Variants in KATNB1 observed in about 807,000 individuals in gnomAD.
The protein encoded by KATNB1 is katanin regulatory subunit B1.
Under a neutral mutation model 82.3 loss-of-function variants are expected in KATNB1, and 38 were observed. The ratio of observed to expected loss-of-function variants is 0.46; its 90% CI spans 0.36 to 0.61. The LOEUF (loss-of-function observed/expected upper bound fraction) is 0.61, where lower values mean the gene tolerates loss of function less well. Among genes scored for constraint, KATNB1 ranks in the 20% least tolerant of loss-of-function variants. The pLI is 0.00. For synonymous variants in KATNB1, 361 were observed against 368.7 expected (o/e 0.98, Z 0.24); for missense variants, 749 against 915.7 (o/e 0.82, Z 2.35).
At chr16:57,742,681 T>C (rs1374399814) in intron 3 of KATNB1, among the ~76,000 whole-genome samples, 2 of 152,254 alleles carry the variant, frequency 1.3e-5, no homozygotes, top group Non-Finnish European at 2.9e-5. Context: ...TGTTCCATTG[T>C]AGGGATGAGC....
At position 57,751,387 on chromosome 16, in the gene KATNB1, A is replaced by C; in HGVS notation, c.432+85A>C. 7.5e-7 allele frequency: 1 copy of C among 1,341,298 alleles called. No individual in the cohort carries two copies. The highest frequency in any genetic ancestry group is 1.1e-6 in the Non-Finnish European group (1 of 932,440). 83.1% of individuals were successfully genotyped at this position (1,341,298 alleles called of 1,614,324 possible). On this transcript the variant is annotated intron_variant, in intron 6 of 19. Coordinates refer to ENST00000379661, the MANE Select transcript of KATNB1 (RefSeq NM_005886.3). The surrounding 1 kb of genome is among the most constrained non-coding windows in gnomAD (Gnocchi z 6.3). ...GTGCCCAGACCCCAGCAGGGGGTGG[A>C]GGGGACGGCTGTCCCACATGGGTGA...
Position 57,751,246 on chromosome 16 carries a change from C to T in KATNB1, c.391-15C>T. 1 of 1,613,582 alleles carries T rather than the reference C, an allele frequency of 6.2e-7. No homozygotes were observed. Among genetic ancestry groups the T allele is most frequent in the Non-Finnish European group, 8.5e-7 (1 of 1,179,542 alleles). ...CTCTCCTGACTCTGCCCCTCTGCTT[C>T]TCTCTCCCCCACAGCTCTGGGACAT... On this transcript the variant is annotated splice_polypyrimidine_tract_variant and intron_variant, in intron 5 of 19. Transcript: ENST00000379661. This position sits in a 1 kb window ranked among gnomAD's most constrained non-coding sequence, Gnocchi z 6.3.
Position 57,739,147 on chromosome 16 carries a change from C to T in KATNB1, c.40+1864C>T, listed in dbSNP as rs146217323. 2.7e-3 allele frequency among the ~76,000 whole-genome samples: 412 copies of T among 152,238 alleles called. 4 individuals are homozygous for T. Among genetic ancestry groups the T allele is most frequent in the African/African-American group, 9.5e-3 (395 of 41,520 alleles). ...AGGACCCCAGCCCTCCTGAGGCTGC[C>T]GTGCTTTATCATAAAGGCAAGGCCA... On this transcript the variant is annotated intron_variant, in intron 2 of 19. Transcript: ENST00000379661.
intron 16 of KATNB1, 126 bp from the exon 17 acceptor site, chr16:57,755,715 G>A: frequency 3.0e-6 from 3 of 1,002,974 alleles, no homozygotes; most frequent in Non-Finnish European, 4.3e-6. Flanking sequence ...CATTGCGTTA[G>A]GTGCAGTGCT....
chr16:57,756,025 C>A lies in KATNB1; in HGVS notation c.1677C>A (p.Val559=). 6.2e-7 allele frequency: 1 copy of A among 1,612,040 alleles called. No individual in the cohort carries two copies. ...GGAAGCTGGACCTGTGCACCACCGT[C>A]CTGCCACAGATTGAGAAGCTTCTGC... ...SLWKLDLCTT[V]LPQIEKLLQS... Residue 559 remains valine (V), a synonymous_variant, in exon 18 of 20, where the codon GTC becomes GTA. Transcript: ENST00000379661.
Position 57,751,542 on chromosome 16 carries a change from G to A in KATNB1, c.433-99G>A. The A allele has an allele frequency of 8.5e-7, 1 of 1,173,754 alleles. No homozygotes were observed. Among genetic ancestry groups the A allele is most frequent in the Non-Finnish European group, 1.3e-6 (1 of 790,950 alleles). The allele number at this position is 1,173,754 out of a possible 1,614,324, so 72.7% of individuals were successfully genotyped here. A position where few individuals can be genotyped will look rare whatever the true frequency, so the allele number is the denominator to read the frequency against. ...CCAAGCAGAACCAGGCGGGTAACCA[G>A]TGTTGTTAGATGGAAGGGGTCCCAT... is the stretch of plus-strand genomic sequence containing the variant. On this transcript the variant is annotated intron_variant, in intron 6 of 19. Transcript: ENST00000379661. This position sits in a 1 kb window ranked among gnomAD's most constrained non-coding sequence, Gnocchi z 6.3.
At position 57,751,365 on chromosome 16, in the gene KATNB1, C is replaced by T; in HGVS notation, c.432+63C>T. 6.8e-7 allele frequency: 1 copy of T among 1,470,506 alleles called. No homozygotes were observed. The highest frequency in any genetic ancestry group is 2.3e-5 in the East Asian group (1 of 44,200). 91.1% of individuals were successfully genotyped at this position (1,470,506 alleles called of 1,614,324 possible). On this transcript the variant is annotated intron_variant, in intron 6 of 19. Transcript: ENST00000379661. The surrounding 1 kb of genome is among the most constrained non-coding windows in gnomAD (Gnocchi z 6.3). ...TGCGGGCATTGAGTGTGGTGTGGTG[C>T]CCAGACCCCAGCAGGGGGTGGAGGG...
intron 4 of KATNB1, among the ~76,000 whole-genome samples, chr16:57,748,581 C>T (rs1044868849): frequency 2.0e-5 from 3 of 151,818 alleles, no homozygotes; most frequent in Non-Finnish European, 4.4e-5. Context: ...AGCTGGGAGG[C>T]GTTGGGGGTT....
intron 4 of KATNB1, 80 bp from the exon 5 acceptor site, chr16:57,750,747 A>AG (rs1486228406): frequency 1.9e-5 from 20 of 1,053,694 alleles, no homozygotes; most frequent in Non-Finnish European, 3.0e-5. Flanking sequence ...AAGCGCACAC[A>AG]CAAATGCCCA....
intron 9 of KATNB1, 23 bp downstream of exon 9, chr16:57,752,624 G>A (rs948049424): frequency 1.3e-5 from 20 of 1,554,218 alleles, no homozygotes; most frequent in South Asian, 4.7e-5. Context: ...TGGGGTGGGC[G>A]GCCCAGCGCT....
At chr16:57,744,317 CG>C in intron 3 of KATNB1, 76 bp from the exon 4 acceptor site, 1 of 1,290,896 alleles carries the variant, frequency 7.7e-7, no homozygotes, top group African/African-American at 1.5e-5. Context: ...GAAGCCTTTC[CG>C]GGGGACTTGG....
chr16:57,739,466 T>G (rs2049126983), intron 2 of KATNB1, among the ~76,000 whole-genome samples: 1 of 152,196 alleles, frequency 6.6e-6, no homozygotes, highest in Non-Finnish European at 1.5e-5. Flanking sequence ...GGGCCCAGGT[T>G]GTACTCCCAG....
chr16:57,755,589 T>C (rs2049269832), intron 16 of KATNB1, 95 bp downstream of exon 16: 1 of 1,492,962 alleles, frequency 6.7e-7, no homozygotes. Flanking sequence ...AGGCCACCCA[T>C]GGGGGACAGT....
At chr16:57,744,092 G>A (rs1367859405) in intron 3 of KATNB1, among the ~76,000 whole-genome samples, 2 of 152,198 alleles carry the variant, frequency 1.3e-5, no homozygotes, top group South Asian at 2.1e-4. Context: ...TTGTCCAGTC[G>A]CTCCCCTCCA....
chr16:57,753,636 C>A, intron 12 of KATNB1, 117 bp downstream of exon 12: 1 of 1,348,954 alleles, frequency 7.4e-7, no homozygotes, highest in Non-Finnish European at 1.0e-6. Flanking sequence ...CTAACCCACA[C>A]CTGGGCTCCG....
intron 1 of KATNB1, among the ~76,000 whole-genome samples, chr16:57,736,564 C>A (rs997924427): frequency 8.5e-5 from 13 of 152,142 alleles, no homozygotes; most frequent in Non-Finnish European, 1.6e-4. Context: ...AGGAGGACTT[C>A]AGTGGCCGTC....
chr16:57,750,269 G>A (rs1213939587), intron 4 of KATNB1, among the ~76,000 whole-genome samples: 5 of 152,218 alleles, frequency 3.3e-5, no homozygotes, highest in African/African-American at 1.2e-4. Flanking sequence ...TCTGTGGGGA[G>A]AGTGTGGTAC....
chr16:57,755,288 G>T lies in KATNB1; in HGVS notation c.1416+50G>T, dbSNP rs782314452. ...ATGGGTGGAGGTCTGTGGGTGGAGG[G>T]CAGAGCTTTGCTGCTGGCTCCTCCC... On this transcript the variant is annotated intron_variant, in intron 15 of 19. Coordinates refer to ENST00000379661, the MANE Select transcript of KATNB1 (RefSeq NM_005886.3). The T allele has an allele frequency of 5.6e-6, 9 of 1,610,532 alleles. 1 individual carries two copies. In the East Asian group the frequency reaches 2.0e-4, roughly 36 times the overall value.
At position 57,739,412 on chromosome 16, in the gene KATNB1, C is replaced by T. The variant is rs2049126605; in HGVS notation, c.40+2129C>T. 2.6e-5 allele frequency among the ~76,000 whole-genome samples: 4 copies of T among 152,346 alleles called. 1 individual carries two copies. In the South Asian group the frequency reaches 8.3e-4, roughly 32 times the overall value. On this transcript the variant is annotated intron_variant, in intron 2 of 19. Coordinates refer to ENST00000379661, the MANE Select transcript of KATNB1 (RefSeq NM_005886.3). ...CATTTGGGATGCTGATCCTCAGCCC[C>T]TCTGGCCACGCCGCACCATGTTCCC... is the stretch of plus-strand genomic sequence containing the variant.
Sources: allele counts gnomAD v4.1 joint callset (sites outside exome capture counted in the v4.1 genomes callset), GRCh38; gene constraint gnomAD v4.1.1; non-coding constraint Gnocchi (gnomAD v3.1); transcripts MANE v1.5; gene names NCBI Gene and HGNC (gene_info 2026-07-23, HGNC 2026-07-21).